Variants in TRMT61B observed in about 807,000 individuals in gnomAD.
TRMT61B encodes tRNA methyltransferase 61B.
Under a neutral mutation model 52.0 loss-of-function variants are expected in TRMT61B, and 56 were observed. The observed-to-expected ratio is 1.08, with a 90% CI of 0.87 to 1.35. The LOEUF (loss-of-function observed/expected upper bound fraction) is 1.35. Ranked by LOEUF, TRMT61B falls within the 40% of genes most tolerant of loss-of-function variation. The pLI is 0.00. For synonymous variants in TRMT61B, 206 were observed against 220.0 expected (o/e 0.94, Z 0.56); for missense variants, 650 against 577.9 (o/e 1.12, Z -1.28).
rs1669010441 is a variant in TRMT61B at position 28,850,192 on chromosome 2, G to A, written c.*7C>T. The A allele has an allele frequency of 6.2e-7, 1 of 1,608,946 alleles. No individual in the cohort carries two copies. The highest frequency in any genetic ancestry group is 2.2e-5 in the East Asian group (1 of 44,770). ...ATCTTCAAGTCAGTTACTGTCATCT[G>A]GAGTACTCAGTTAAGTTGTGGTTTG... On this transcript the variant is annotated 3_prime_UTR_variant, in exon 7 of 7. Coordinates refer to ENST00000306108, the MANE Select transcript of TRMT61B (RefSeq NM_017910.4).
At position 28,855,457 on chromosome 2, in the gene TRMT61B, G is replaced by T. The variant is rs147891885; in HGVS notation, c.994-2958C>A. Among the ~76,000 whole-genome samples the T allele has an allele frequency of 3.0e-3, 456 of 152,246 alleles. 3 individuals carry two copies. The highest frequency in any genetic ancestry group is 0.01 in the African/African-American group (429 of 41,548). On this transcript the variant is annotated intron_variant, in intron 3 of 6. Coordinates refer to ENST00000306108, the MANE Select transcript of TRMT61B (RefSeq NM_017910.4). ...GTAATAGCAAAGAGCAGTGGGTGTGGTAAGAAGTGGTATATATTTTGAAGA... is the reference window on the plus strand; with the variant it reads ...GTAATAGCAAAGAGCAGTGGGTGTGTTAAGAAGTGGTATATATTTTGAAGA...
intron 1 of TRMT61B, among the ~76,000 whole-genome samples, chr2:28,868,481 T>C (rs1342667226): frequency 1.3e-5 from 2 of 152,228 alleles, no homozygotes; most frequent in African/African-American, 4.8e-5. Context: ...TTCATTTACT[T>C]GTTTGTTCTT....
chr2:28,870,234 C>T lies in TRMT61B; in HGVS notation c.44G>A (p.Arg15Gln). The part of the protein sequence containing the change: ...WCRGPVLLCL[R>Q]QGLGTNSFLH... ...GAATGAATTGGTTCCGAGCCCCTGC[C>T]GCAGGCACAGCAAGACAGGACCGCG... The change falls in exon 1 of 7, where the codon CGG becomes CAG. Residue 15 changes from arginine (R) to glutamine (Q), a missense_variant. Coordinates refer to ENST00000306108, the MANE Select transcript of TRMT61B (RefSeq NM_017910.4). The T allele has an allele frequency of 6.2e-7, 1 of 1,609,322 alleles. No homozygotes were observed. The highest frequency in any genetic ancestry group is 2.2e-5 in the East Asian group (1 of 44,850).
At chr2:28,862,470 C>T (rs1455065374) in intron 2 of TRMT61B, among the ~76,000 whole-genome samples, 2 of 150,228 alleles carry the variant, frequency 1.3e-5, no homozygotes, top group East Asian at 2.1e-4. Flanking sequence ...ACAGCTGGGA[C>T]GACAGGTGTG....
rs2148116671 is a variant in TRMT61B, at chr2:28,851,119, T to A, written c.1265A>T (p.Gln422Leu). ...CTCACCTTTAACTCCAATTTTCTCT[T>A]GAGAATCTAGTTGTACATCTGTGTT... Reference protein sequence around the residue: ...KINTDVQLDSQEKIGVKGELF... With the variant: ...KINTDVQLDSLEKIGVKGELF... Residue 422 changes from glutamine to leucine, a missense_variant, in exon 5 of 7, where the codon CAA (glutamine) becomes CTA (leucine). Coordinates refer to ENST00000306108, the MANE Select transcript of TRMT61B (RefSeq NM_017910.4). 6.2e-7 allele frequency: 1 copy of A among 1,611,922 alleles called. No homozygotes were observed. Among genetic ancestry groups the A allele is most frequent in the Middle Eastern group, 1.7e-4 (1 of 6,052 alleles).
chr2:28,851,450 C>T lies in TRMT61B; in HGVS notation c.1086-152G>A, dbSNP rs535234163. ...GCAAGTTAGGAGGCATAAAAAGTAC[C>T]TTCACAAAATTCTAAGTAAACAAAC... On this transcript the variant is annotated intron_variant, in intron 4 of 6. Coordinates refer to ENST00000306108, the MANE Select transcript of TRMT61B (RefSeq NM_017910.4). The T allele has an allele frequency of 4.5e-4, 239 of 526,516 alleles. No homozygotes were observed. The Middle Eastern group carries it at 5.0e-3, about 11-fold the overall frequency. 32.6% of individuals were successfully genotyped at this position (526,516 alleles called of 1,614,324 possible). A position where few individuals can be genotyped will look rare whatever the true frequency, so the allele number is the denominator to read the frequency against.
In TRMT61B at chr2:28,870,236, C is replaced by A. The variant is rs1217982681; in HGVS notation, c.42G>T (p.Leu14=). The A allele has an allele frequency of 6.2e-7, 1 of 1,608,968 alleles. No individual in the cohort carries two copies. Among genetic ancestry groups the A allele is most frequent in the South Asian group, 1.1e-5 (1 of 90,784 alleles). ...AWCRGPVLLC[L]RQGLGTNSFL... is the part of the protein sequence containing the mutation. The stretch of plus-strand genomic sequence containing the variant: ...ATGAATTGGTTCCGAGCCCCTGCCG[C>A]AGGCACAGCAAGACAGGACCGCGGC... The change falls in exon 1 of 7, where the codon CTG becomes CTT. Residue 14 remains leucine, a synonymous_variant. Transcript: ENST00000306108.
intron 5 of TRMT61B, 121 bp downstream of exon 5, chr2:28,850,951 A>G: frequency 1.5e-6 from 1 of 650,338 alleles, no homozygotes; most frequent in Non-Finnish European, 2.5e-6. Flanking sequence ...TCTTAACAGA[A>G]TAAATATCAC....
intron 2 of TRMT61B, among the ~76,000 whole-genome samples, chr2:28,864,075 G>A (rs867956828): frequency 6.6e-6 from 1 of 151,780 alleles, no homozygotes; most frequent in Non-Finnish European, 1.5e-5. Context: ...CCACCTTCAA[G>A]CAGTACTTTT....
At chr2:28,868,272 G>A (rs554261587) in intron 1 of TRMT61B, among the ~76,000 whole-genome samples, 2 of 152,128 alleles carry the variant, frequency 1.3e-5, no homozygotes, top group African/African-American at 4.8e-5. Flanking sequence ...TCCTCCCTTT[G>A]CAAGAACAAT....
intron 2 of TRMT61B, among the ~76,000 whole-genome samples, chr2:28,861,646 T>C (rs1012689879): frequency 6.6e-6 from 1 of 152,250 alleles, no homozygotes; most frequent in Non-Finnish European, 1.5e-5. Flanking sequence ...CTAGATGTAC[T>C]GCATTCTTTT....
Position 28,861,291 on chromosome 2 carries a change from C to G in TRMT61B, c.820G>C (p.Val274Leu). 1 of 1,589,976 alleles carries G rather than the reference C, an allele frequency of 6.3e-7. No individual in the cohort carries two copies. Among genetic ancestry groups the G allele is most frequent in the South Asian group, 1.2e-5 (1 of 85,946 alleles). Residue 274 changes from valine (V) to leucine (L), a missense_variant, in exon 3 of 7, where the codon GTC becomes CTC. Coordinates refer to ENST00000306108, the MANE Select transcript of TRMT61B (RefSeq NM_017910.4). ...LSKAVGSQGR[V>L]ISFEVRKDHH... ...TCTTTTCGTACCTCAAAACTTATGACTCGTCCTTGTGATCCAACTTAAGTA... is the reference window on the plus strand; with the variant it reads ...TCTTTTCGTACCTCAAAACTTATGAGTCGTCCTTGTGATCCAACTTAAGTA...
At chr2:28,860,074 C>A (rs1045486507) in intron 3 of TRMT61B, among the ~76,000 whole-genome samples, 2 of 151,752 alleles carry the variant, frequency 1.3e-5, no homozygotes, top group Non-Finnish European at 2.9e-5. Context: ...GAGTTCGAGA[C>A]CAGCCTGGCC....
intron 1 of TRMT61B, among the ~76,000 whole-genome samples, chr2:28,867,142 C>A (rs1669884871): frequency 6.6e-6 from 1 of 152,058 alleles, no homozygotes; most frequent in Non-Finnish European, 1.5e-5. Context: ...GTTGCCCAGG[C>A]TGGAGTGCAG....
intron 3 of TRMT61B, among the ~76,000 whole-genome samples, chr2:28,854,315 T>G (rs1669245283): frequency 6.6e-6 from 1 of 151,948 alleles, no homozygotes; most frequent in Non-Finnish European, 1.5e-5. Context: ...AGAAAAACAG[T>G]TATAAAGCAG....
chr2:28,850,989 TA>T (rs1340671827), intron 5 of TRMT61B, 82 bp downstream of exon 5: 15 of 858,614 alleles, frequency 1.7e-5, no homozygotes, highest in Middle Eastern at 2.3e-4. Flanking sequence ...TGCTGAGGAA[TA>T]TTTTTATAAT....
At position 28,851,206 on chromosome 2, in the gene TRMT61B, C is replaced by T; in HGVS notation, c.1178G>A (p.Trp393Ter). ...TTTCTGTTTTGCAAGGCAAACCAACCAATCTCTGACAATGACCTCGCTTAT... is the reference window on the plus strand; with the variant it reads ...TTTCTGTTTTGCAAGGCAAACCAACTAATCTCTGACAATGACCTCGCTTAT... ...EKISEVIVRD[W>*]LVCLAKQKNG... The change falls in exon 5 of 7, where the codon TGG becomes TAG. Residue 393 changes from tryptophan (W) to a stop codon, truncating the protein, a stop_gained. Transcript: ENST00000306108. LOFTEE classifies it high-confidence loss of function. The T allele has an allele frequency of 6.2e-7, 1 of 1,613,504 alleles. No individual in the cohort carries two copies.
intron 2 of TRMT61B, among the ~76,000 whole-genome samples, chr2:28,862,864 T>TTG (rs34139201): frequency 0.06 from 8,662 of 143,918 alleles, 264 homozygotes; most frequent in Non-Finnish European, 0.081. Flanking sequence ...GTATTTGTAT[T>TTG]TGTGTGTGTG....
intron 1 of TRMT61B, among the ~76,000 whole-genome samples, chr2:28,867,717 G>A (rs1669907277): frequency 6.6e-6 from 1 of 152,098 alleles, no homozygotes; most frequent in Non-Finnish European, 1.5e-5. Context: ...AAGGAGACAC[G>A]GGGAAGCAAG....
Sources: gnomAD v4.1 joint callset for allele counts (sites outside exome capture counted in the v4.1 genomes callset) on GRCh38, gnomAD v4.1.1 for gene constraint, MANE v1.5 for transcripts, NCBI Gene and HGNC (gene_info 2026-07-23, HGNC 2026-07-21) for gene names.